The following LIMCH1 variants were observed in gnomAD, a reference collection of about 807,000 sequenced individuals.
The protein encoded by LIMCH1 is LIM and calponin homology domains 1, also known as LIM and calponin homology domains-containing protein 1.
A neutral mutation model predicts 176.5 loss-of-function variants in LIMCH1; 113 were observed. That is an observed-to-expected ratio of 0.64 (90% CI 0.55 to 0.75). The LOEUF is 0.75. Ranked by LOEUF, LIMCH1 falls within the 30% of genes least tolerant of loss-of-function variation. The pLI is 0.00. For synonymous variants in LIMCH1, 619 were observed against 645.9 expected (o/e 0.96, Z 0.63); for missense variants, 1,674 against 1,814.9 (o/e 0.92, Z 1.41).
chr4:41,676,168 C>T (rs1040289637), intron 22 of LIMCH1, among the ~76,000 whole-genome samples: 7 of 152,156 alleles, frequency 4.6e-5, no homozygotes, highest in Admixed American at 2.0e-4. Context: ...CAAAAAGATT[C>T]ACAGAATCAT....
chr4:41,528,543 T>G (rs1233445431), intron 3 of LIMCH1, among the ~76,000 whole-genome samples: 1 of 152,180 alleles, frequency 6.6e-6, no homozygotes, highest in African/African-American at 2.4e-5. Context: ...AAAGGGCAGA[T>G]AGAAAAATCC....
chr4:41,436,848 A>G (rs993157558), intron 1 of LIMCH1, among the ~76,000 whole-genome samples: 1 of 152,182 alleles, frequency 6.6e-6, no homozygotes, highest in Non-Finnish European at 1.5e-5. Context: ...TTAGGGTAAA[A>G]ACACATGGTT....
chr4:41,606,838 G>A (rs549467502), intron 4 of LIMCH1, among the ~76,000 whole-genome samples: 224 of 152,142 alleles, frequency 1.5e-3, no homozygotes, highest in African/African-American at 5.2e-3. Flanking sequence ...TTGCTGTGTC[G>A]CCCAGGCTGG....
chr4:41,455,976 A>G (rs571412081), intron 1 of LIMCH1, among the ~76,000 whole-genome samples: 10 of 152,276 alleles, frequency 6.6e-5, no homozygotes, highest in Admixed American at 5.2e-4. Context: ...GCATTTCAAC[A>G]TTCTTTTATT....
intron 1 of LIMCH1, among the ~76,000 whole-genome samples, chr4:41,432,848 A>G (rs1410239639): frequency 6.6e-6 from 1 of 152,224 alleles, no homozygotes; most frequent in African/African-American, 2.4e-5. Flanking sequence ...TTTTTCAAGT[A>G]GGCAGTGGAG....
chr4:41,634,625 G>T (rs1017036650), intron 13 of LIMCH1, among the ~76,000 whole-genome samples: 4 of 152,186 alleles, frequency 2.6e-5, no homozygotes, highest in African/African-American at 9.7e-5. Context: ...GAATAAAACA[G>T]TAATGGAGCC....
chr4:41,651,527 T>C (rs1323446976), intron 18 of LIMCH1, among the ~76,000 whole-genome samples: 1 of 152,190 alleles, frequency 6.6e-6, no homozygotes, highest in Admixed American at 6.5e-5. Flanking sequence ...CAGAAATTAC[T>C]TTTTCTTGTC....
chr4:41,687,370 T>A (rs1325872265), intron 28 of LIMCH1, among the ~76,000 whole-genome samples: 5 of 152,190 alleles, frequency 3.3e-5, no homozygotes, highest in Non-Finnish European at 5.9e-5. Context: ...GGGAAGTCAC[T>A]GAAAATAGCT....
At chr4:41,400,854 T>C (rs1321803402) in intron 1 of LIMCH1, among the ~76,000 whole-genome samples, 1 of 152,192 alleles carries the variant, frequency 6.6e-6, no homozygotes, top group Non-Finnish European at 1.5e-5. Context: ...ATTTAAGTGT[T>C]CTTGGAGCCC....
intron 1 of LIMCH1, among the ~76,000 whole-genome samples, chr4:41,573,217 G>T (rs2083843452): frequency 1.3e-5 from 2 of 152,062 alleles, no homozygotes; most frequent in South Asian, 4.1e-4. Context: ...GCTGTCACTG[G>T]AAAAAACCAA....
At chr4:41,621,764 G>A (rs1467149405) in intron 7 of LIMCH1, among the ~76,000 whole-genome samples, 6 of 152,206 alleles carry the variant, frequency 3.9e-5, no homozygotes, top group South Asian at 2.1e-4. Context: ...CCAGAAGTGG[G>A]AGCTGAGGAT....
chr4:41,570,281 A>G (rs1048827390), intron 1 of LIMCH1, among the ~76,000 whole-genome samples: 5 of 152,252 alleles, frequency 3.3e-5, no homozygotes, highest in Admixed American at 2.0e-4. Flanking sequence ...GACCTGAGGC[A>G]TTCTGCTTAT....
In LIMCH1 at chr4:41,684,491, T is replaced by A; in HGVS notation, c.3940T>A (p.Cys1314Ser). Residue 1314 changes from cysteine to serine, a missense_variant, in exon 27 of 32, where the codon TGT becomes AGT. Cys to Ser is a moderately radical substitution (Grantham distance 112). Around this residue, in one of 3 missense-constraint regions of LIMCH1, gnomAD observed 1,015 missense variants for 1,102.5 expected, o/e 0.92. Coordinates refer to ENST00000503057, the MANE Select transcript of LIMCH1 (RefSeq NM_001330672.2). The stretch of plus-strand genomic sequence containing the variant: ...GGATACCGAGGCTGGGGCCCCACAC[T>A]GTGGAACAAACCCACAGCTTGCTCA... ...QLDTEAGAPH[C>S]GTNPQLAQDP... 1 of 1,613,654 alleles carries A rather than the reference T, an allele frequency of 6.2e-7. No individual in the cohort carries two copies. The highest frequency in any genetic ancestry group is 1.3e-5 in the African/African-American group (1 of 74,994).
chr4:41,556,348 T>C (rs1431773891), intron 1 of LIMCH1, among the ~76,000 whole-genome samples: 1 of 139,564 alleles, frequency 7.2e-6, no homozygotes, highest in Non-Finnish European at 1.5e-5. Context: ...CAAGCTGATA[T>C]CATCCCATTG....
intron 2 of LIMCH1, among the ~76,000 whole-genome samples, chr4:41,515,227 G>A (rs894979366): frequency 2.0e-5 from 3 of 152,342 alleles, no homozygotes; most frequent in Admixed American, 6.5e-5. Context: ...CGGTGATCAC[G>A]CAGCCGGGTC....
chr4:41,588,077 C>T (rs965643197), intron 1 of LIMCH1, among the ~76,000 whole-genome samples: 1 of 151,846 alleles, frequency 6.6e-6, no homozygotes. Context: ...TAATGCTATC[C>T]CTCCCCCTTC....
chr4:41,450,459 G>A (rs1056245451), intron 1 of LIMCH1, among the ~76,000 whole-genome samples: 1 of 152,060 alleles, frequency 6.6e-6, no homozygotes, highest in East Asian at 1.9e-4. Context: ...TGCTGCATGA[G>A]TAGAGGGAAT....
chr4:41,682,407 C>G lies in LIMCH1; in HGVS notation c.3792C>G (p.Asp1264Glu), dbSNP rs1716720559. ...GGAAGAAATCATTCCAGGGAGATGA[C>G]AGTGACTTATTGCTGAAGACTAGGG... Reference protein sequence around the residue: ...RRWKKSFQGDDSDLLLKTRES... With the variant: ...RRWKKSFQGDESDLLLKTRES... The change falls in exon 26 of 32, where the codon GAC becomes GAG. Residue 1264 changes from aspartate to glutamate, a missense_variant. Asp to Glu is a conservative substitution (Grantham distance 45). Around this residue, in one of 3 missense-constraint regions of LIMCH1, gnomAD observed 1,015 missense variants for 1,102.5 expected, o/e 0.92. Transcript: ENST00000503057. 6.2e-7 allele frequency: 1 copy of G among 1,613,114 alleles called. No individual in the cohort carries two copies. Among genetic ancestry groups the G allele is most frequent in the Admixed American group, 1.7e-5 (1 of 59,972 alleles).
In LIMCH1 at chr4:41,698,606, C is replaced by A. The variant is rs998783692; in HGVS notation, c.*1421C>A. ...GTGAATGTAGACTATGGATACACTC[C>A]TAATAGATTGATGTAGTCATAAAAG... On this transcript the variant is annotated 3_prime_UTR_variant, in exon 32 of 32. Transcript: ENST00000503057. The A allele has an allele frequency of 3.3e-5, 5 of 152,476 alleles. No homozygotes were observed. The highest frequency in any genetic ancestry group is 7.4e-5 in the Non-Finnish European group (5 of 68,020). 9.4% of individuals were successfully genotyped at this position (152,476 alleles called of 1,614,324 possible).
Sources: allele counts gnomAD v4.1 joint callset (sites outside exome capture counted in the v4.1 genomes callset), GRCh38; gene constraint gnomAD v4.1.1; regional missense constraint gnomAD v4.1.1; transcripts MANE v1.5; gene names NCBI Gene and HGNC (gene_info 2026-07-23, HGNC 2026-07-21).